Variants in ZDHHC14 observed in about 807,000 individuals in gnomAD.
ZDHHC14 encodes palmitoyltransferase ZDHHC14.
A neutral mutation model predicts 47.7 loss-of-function variants in ZDHHC14; 16 were observed. The observed-to-expected ratio is 0.34, with a 90% CI of 0.23 to 0.51. The LOEUF is 0.51. Ranked by LOEUF, ZDHHC14 falls within the 20% of genes least tolerant of loss-of-function variation. ZDHHC14 has a pLI of 0.97. For missense variants in ZDHHC14, 515 were observed against 662.5 expected, an observed-to-expected ratio of 0.78 and a Z score of 2.44; for synonymous variants, 293 against 278.9, an observed-to-expected ratio of 1.05 and a Z score of -0.50.
At chr6:157,621,662 T>C (rs1422721705) in intron 3 of ZDHHC14, among the ~76,000 whole-genome samples, 1 of 152,146 alleles carries the variant, frequency 6.6e-6, no homozygotes, top group African/African-American at 2.4e-5. Context: ...CTGGATCCAC[T>C]CTTGAGGGCC....
At chr6:157,447,136 G>A (rs9406297) in intron 1 of ZDHHC14, among the ~76,000 whole-genome samples, 23,619 of 149,680 alleles carry the variant, frequency 0.16, 2,242 homozygotes, top group Middle Eastern at 0.25. Context: ...AAGAAAGAAA[G>A]AAAAAAAGAT....
intron 3 of ZDHHC14, among the ~76,000 whole-genome samples, chr6:157,612,842 AG>A (rs1784805015): frequency 1.1e-4 from 8 of 73,926 alleles, no homozygotes; most frequent in African/African-American, 4.5e-4. Context: ...TCTCTCTTAG[AG>A]AAAAAAAAAA....
intron 2 of ZDHHC14, among the ~76,000 whole-genome samples, chr6:157,583,463 C>T (rs760035823): frequency 7.9e-4 from 119 of 150,524 alleles, no homozygotes; most frequent in Non-Finnish European, 1.4e-3. Flanking sequence ...TCCTTGGTTT[C>T]GCATGGGGAG....
At chr6:157,565,612 A>T (rs974971285) in intron 2 of ZDHHC14, among the ~76,000 whole-genome samples, 5 of 152,146 alleles carry the variant, frequency 3.3e-5, no homozygotes, top group African/African-American at 1.2e-4. Context: ...TGAGATGAGG[A>T]GTTCAAGACC....
In ZDHHC14 at chr6:157,547,786, C is replaced by T. The variant is rs189364417; in HGVS notation, c.406+5041C>T. On this transcript the variant is annotated intron_variant, in intron 2 of 8. Coordinates refer to ENST00000359775, the MANE Select transcript of ZDHHC14 (RefSeq NM_024630.3). ...TTTTCACCAATCAGTATTATGAAAG[C>T]TGCCATTATGAATTTTTTATAGAAC... 5.6e-4 allele frequency among the ~76,000 whole-genome samples: 83 copies of T among 147,742 alleles called. No homozygotes were observed. In the Admixed American group the frequency reaches 5.7e-3, roughly 10 times the overall value.
intron 1 of ZDHHC14, among the ~76,000 whole-genome samples, chr6:157,473,919 A>T (rs9347290): frequency 0.27 from 40,800 of 151,782 alleles, 6,164 homozygotes; most frequent in East Asian, 0.47. Flanking sequence ...TAAAAAAAAA[A>T]AGTTTGAAGT....
chr6:157,520,282 C>G lies in ZDHHC14; in HGVS notation c.246-22303C>G, dbSNP rs140998585. On this transcript the variant is annotated intron_variant, in intron 1 of 8. Coordinates refer to ENST00000359775, the MANE Select transcript of ZDHHC14 (RefSeq NM_024630.3). ...GCCCACAATGTGCTTTTGGCTCTTCCTGCTTCTGGGTCTGTCTTCTCCAGC... is the reference window on the plus strand; with the variant it reads ...GCCCACAATGTGCTTTTGGCTCTTCGTGCTTCTGGGTCTGTCTTCTCCAGC... Among the ~76,000 whole-genome samples, 268 of 152,342 alleles carry G rather than the reference C, an allele frequency of 1.8e-3. 2 individuals are homozygous for G. Among genetic ancestry groups the G allele is most frequent in the African/African-American group, 6.0e-3 (248 of 41,586 alleles).
At chr6:157,636,115 C>G (rs932757562) in intron 5 of ZDHHC14, among the ~76,000 whole-genome samples, 1 of 152,044 alleles carries the variant, frequency 6.6e-6, no homozygotes, top group Non-Finnish European at 1.5e-5. Flanking sequence ...GCACCTCCAG[C>G]CAAGGCCTTC....
intron 8 of ZDHHC14, among the ~76,000 whole-genome samples, chr6:157,671,848 TAGAC>T (rs1470072528): frequency 6.6e-6 from 1 of 152,198 alleles, no homozygotes; most frequent in Non-Finnish European, 1.5e-5. Flanking sequence ...GGTGGTAAAA[TAGAC>T]ATGGCATAAT....
At chr6:157,660,529 A>G (rs1291628278) in intron 8 of ZDHHC14, among the ~76,000 whole-genome samples, 2 of 152,166 alleles carry the variant, frequency 1.3e-5, no homozygotes, top group Non-Finnish European at 2.9e-5. Context: ...TTTCCATCTG[A>G]AAAGCCCTCA....
At chr6:157,487,550 A>C (rs934586601) in intron 1 of ZDHHC14, among the ~76,000 whole-genome samples, 1 of 152,232 alleles carries the variant, frequency 6.6e-6, no homozygotes, top group African/African-American at 2.4e-5. Context: ...GAAATGATTA[A>C]TATCCTTCAT....
intron 1 of ZDHHC14, among the ~76,000 whole-genome samples, chr6:157,498,517 C>T (rs1248232671): frequency 6.6e-6 from 1 of 152,088 alleles, no homozygotes; most frequent in Non-Finnish European, 1.5e-5. Flanking sequence ...GAGGCAAGTC[C>T]AAATCAGTGA....
intron 2 of ZDHHC14, among the ~76,000 whole-genome samples, chr6:157,549,769 A>T (rs942398611): frequency 2.0e-5 from 3 of 152,226 alleles, no homozygotes; most frequent in African/African-American, 7.2e-5. Flanking sequence ...GGAGCCAGAG[A>T]TGTTTTTCCA....
chr6:157,399,004 A>G (rs1199219851), intron 1 of ZDHHC14, among the ~76,000 whole-genome samples: 3 of 152,252 alleles, frequency 2.0e-5, no homozygotes, highest in African/African-American at 7.2e-5. Flanking sequence ...CAAAATAATT[A>G]AGACGTTTAT....
At chr6:157,455,651 C>G (rs1778895346) in intron 1 of ZDHHC14, among the ~76,000 whole-genome samples, 1 of 152,218 alleles carries the variant, frequency 6.6e-6, no homozygotes, top group Non-Finnish European at 1.5e-5. Context: ...AGCTTCCCAC[C>G]TGGCACACCC....
chr6:157,511,664 G>A (rs1780495047), intron 1 of ZDHHC14, among the ~76,000 whole-genome samples: 1 of 151,488 alleles, frequency 6.6e-6, no homozygotes, highest in Admixed American at 6.6e-5. Flanking sequence ...AAAGTGCTGG[G>A]TTTACAGGCT....
At chr6:157,598,674 T>A (rs1784223475) in intron 3 of ZDHHC14, among the ~76,000 whole-genome samples, 1 of 152,246 alleles carries the variant, frequency 6.6e-6, no homozygotes, top group Non-Finnish European at 1.5e-5. Flanking sequence ...CAAAGGTAAT[T>A]TGTTACATAA....
In ZDHHC14 at chr6:157,673,503, A is replaced by C; in HGVS notation, c.*381A>C. On this transcript the variant is annotated 3_prime_UTR_variant, in exon 9 of 9. Transcript: ENST00000359775. The surrounding 1 kb of genome is among the most constrained non-coding windows in gnomAD (Gnocchi z 5.4). The stretch of plus-strand genomic sequence containing the variant: ...ATGTGTTATGCTACTAATATTTGAA[A>C]CAGACCTGCCATTCCATTTGTTAAT... 1 of 208,680 alleles carries C rather than the reference A, an allele frequency of 4.8e-6. No individual in the cohort carries two copies. The allele number at this position is 208,680 out of a possible 1,614,324, so 12.9% of individuals were successfully genotyped here.
At chr6:157,554,894 A>G (rs552975974) in intron 2 of ZDHHC14, among the ~76,000 whole-genome samples, 2 of 152,316 alleles carry the variant, frequency 1.3e-5, no homozygotes, top group East Asian at 3.9e-4. Context: ...GGTCAGTTAC[A>G]GGCTGAGTCC....
Sources: gnomAD v4.1 joint callset for allele counts (sites outside exome capture counted in the v4.1 genomes callset) on GRCh38, gnomAD v4.1.1 for gene constraint, Gnocchi (gnomAD v3.1) non-coding constraint, MANE v1.5 for transcripts, NCBI Gene and HGNC (gene_info 2026-07-23, HGNC 2026-07-21) for gene names.